The following STMN2 variants were observed in gnomAD, a reference collection of about 807,000 sequenced individuals.
STMN2 encodes the protein stathmin-2.
In STMN2, 2 loss-of-function variants were observed where a neutral mutation model predicts 24.1. That is an observed-to-expected ratio of 0.08 (90% CI 0.03 to 0.26). The LOEUF is 0.26. Ranked by LOEUF, STMN2 falls within the 10% of genes least tolerant of loss-of-function variation. The pLI is 1.00. For missense variants in STMN2, 114 were observed against 213.6 expected (o/e 0.53, Z 2.91); for synonymous variants, 83 against 77.5 (o/e 1.07, Z -0.37).
At chr8:79,624,669 T>C (rs1809610558) in intron 1 of STMN2, among the ~76,000 whole-genome samples, 1 of 152,158 alleles carries the variant, frequency 6.6e-6, no homozygotes. Context: ...TTTGGATAAA[T>C]TTTAGAAGTG....
At chr8:79,618,214 T>G (rs915970241) in intron 1 of STMN2, among the ~76,000 whole-genome samples, 15 of 152,234 alleles carry the variant, frequency 9.9e-5, no homozygotes, top group African/African-American at 3.6e-4. Flanking sequence ...ATGCCTAGTT[T>G]TAATAGCTTA....
chr8:79,634,076 T>A (rs1379070789), intron 1 of STMN2, among the ~76,000 whole-genome samples: 1 of 152,216 alleles, frequency 6.6e-6, no homozygotes, highest in Non-Finnish European at 1.5e-5. Context: ...AAAGTCGGCA[T>A]GTAATATGCT....
At chr8:79,635,182 G>C (rs1046063389) in intron 1 of STMN2, among the ~76,000 whole-genome samples, 1 of 152,156 alleles carries the variant, frequency 6.6e-6, no homozygotes, top group Non-Finnish European at 1.5e-5. Context: ...GAAAAAATGA[G>C]AAAATGAAAT....
At chr8:79,641,070 A>T (rs1026341322) in intron 2 of STMN2, among the ~76,000 whole-genome samples, 1 of 152,232 alleles carries the variant, frequency 6.6e-6, no homozygotes, top group African/African-American at 2.4e-5. Flanking sequence ...AAGGAAAATA[A>T]AGCTTAATTT....
At chr8:79,624,326 T>A (rs1336916553) in intron 1 of STMN2, among the ~76,000 whole-genome samples, 3 of 150,500 alleles carry the variant, frequency 2.0e-5, no homozygotes, top group Non-Finnish European at 4.4e-5. Context: ...TGGTGGCGGG[T>A]GCCTGTAGTC....
At chr8:79,644,647 AG>A (rs1301319158) in intron 3 of STMN2, among the ~76,000 whole-genome samples, 2 of 152,222 alleles carry the variant, frequency 1.3e-5, no homozygotes, top group African/African-American at 4.8e-5. Flanking sequence ...CACAAGAGGA[AG>A]GGGTAATGGA....
chr8:79,646,410 A>G (rs1810218898), intron 3 of STMN2, among the ~76,000 whole-genome samples: 1 of 151,632 alleles, frequency 6.6e-6, no homozygotes, highest in African/African-American at 2.4e-5. Context: ...AGCTAATATT[A>G]TATGTTATTA....
chr8:79,630,207 T>C (rs1242093950), intron 1 of STMN2, among the ~76,000 whole-genome samples: 1 of 152,198 alleles, frequency 6.6e-6, no homozygotes. Context: ...GTCTCCAAAC[T>C]TCTGGTTAAT....
At chr8:79,640,249 T>C (rs1810064934) in intron 2 of STMN2, among the ~76,000 whole-genome samples, 1 of 152,128 alleles carries the variant, frequency 6.6e-6, no homozygotes, top group Non-Finnish European at 1.5e-5. Context: ...AATTATGTAT[T>C]CTTTGATCAA....
intron 4 of STMN2, among the ~76,000 whole-genome samples, chr8:79,656,060 G>T (rs112345460): frequency 1.6e-4 from 24 of 152,250 alleles, no homozygotes; most frequent in Admixed American, 3.9e-4. Flanking sequence ...CTCATCTAAG[G>T]TTCAAAAAAC....
chr8:79,649,593 T>A (rs1707336796), intron 3 of STMN2, among the ~76,000 whole-genome samples: 1 of 152,018 alleles, frequency 6.6e-6, no homozygotes, highest in African/African-American at 2.4e-5. Flanking sequence ...CTACCCTACT[T>A]GTGTAAAAGC....
intron 1 of STMN2, among the ~76,000 whole-genome samples, chr8:79,635,355 C>T (rs541605938): frequency 1.3e-5 from 2 of 152,200 alleles, no homozygotes; most frequent in East Asian, 1.9e-4. Context: ...GAGGGAGAGA[C>T]AAAGAACTTA....
chr8:79,627,360 G>A (rs1349576326), intron 1 of STMN2, among the ~76,000 whole-genome samples: 1 of 152,104 alleles, frequency 6.6e-6, no homozygotes, highest in Non-Finnish European at 1.5e-5. Context: ...TATTGGGTAT[G>A]TTTATGACCA....
chr8:79,627,420 C>A (rs1809682610), intron 1 of STMN2, among the ~76,000 whole-genome samples: 1 of 152,208 alleles, frequency 6.6e-6, no homozygotes, highest in South Asian at 2.1e-4. Flanking sequence ...TTATTCCAAT[C>A]TGGCTCAGCC....
chr8:79,625,039 A>G (rs1266824116), intron 1 of STMN2, among the ~76,000 whole-genome samples: 1 of 152,218 alleles, frequency 6.6e-6, no homozygotes, highest in African/African-American at 2.4e-5. Flanking sequence ...CTTGACAGGA[A>G]AGAAGCCATG....
At position 79,645,127 on chromosome 8, in the gene STMN2, C is replaced by T. The variant is rs923640703; in HGVS notation, c.288+3577C>T. ...CCAAGATGGTACCATTGCACTCCAGCCTGGATGACAGAGCAAGACTCCATC... is the reference window on the plus strand; with the variant it reads ...CCAAGATGGTACCATTGCACTCCAGTCTGGATGACAGAGCAAGACTCCATC... On this transcript the variant is annotated intron_variant, in intron 3 of 4. Coordinates refer to ENST00000220876, the MANE Select transcript of STMN2 (RefSeq NM_007029.4). 2.0e-5 allele frequency among the ~76,000 whole-genome samples: 3 copies of T among 151,342 alleles called. No homozygotes were observed. In the East Asian group the frequency reaches 5.8e-4, roughly 29 times the overall value.
intron 3 of STMN2, 89 bp from the exon 4 acceptor site, chr8:79,654,782 G>C: frequency 7.1e-7 from 1 of 1,417,680 alleles, no homozygotes; most frequent in African/African-American, 1.4e-5. Context: ...CTATTCATCT[G>C]AAAAGAATGC....
At chr8:79,624,530 G>A (rs1482719035) in intron 1 of STMN2, among the ~76,000 whole-genome samples, 1 of 150,478 alleles carries the variant, frequency 6.6e-6, no homozygotes. Flanking sequence ...TGGACTTTGT[G>A]TCCAGCTTGC....
rs1809208638 is a variant in STMN2, at chr8:79,611,146, T to C, written c.-50T>C. The C allele has an allele frequency of 6.2e-7, 1 of 1,613,610 alleles. No individual in the cohort carries two copies. On this transcript the variant is annotated 5_prime_UTR_variant, in exon 1 of 5. Coordinates refer to ENST00000220876, the MANE Select transcript of STMN2 (RefSeq NM_007029.4). ...TTCTCTCTCGCTCTCTCCGCTGCTG[T>C]AGCCGGACCCTTTGCCTTCGCCACT...
Sources: gnomAD v4.1 joint callset for allele counts (sites outside exome capture counted in the v4.1 genomes callset) on GRCh38, gnomAD v4.1.1 for gene constraint, MANE v1.5 for transcripts, NCBI Gene and HGNC (gene_info 2026-07-23, HGNC 2026-07-21) for gene names.